LYST: variants seen among roughly 807,000 people sequenced by gnomAD.
LYST encodes lysosomal trafficking regulator.
In LYST, 192 loss-of-function variants were observed where a neutral mutation model predicts 413.6. That is an observed-to-expected ratio of 0.46 (90% CI 0.41 to 0.52). The LOEUF (loss-of-function observed/expected upper bound fraction) is 0.52. Ranked by LOEUF, LYST falls within the 20% of genes least tolerant of loss-of-function variation. LYST has a pLI of 0.00. For missense variants in LYST, 3,815 were observed against 4,499.9 expected, an observed-to-expected ratio of 0.85 and a Z score of 4.35; for synonymous variants, 1,525 against 1,567.3, an observed-to-expected ratio of 0.97 and a Z score of 0.64.
chr1:235,666,590 G>GCACACACACACACACA (rs1214218772), intron 50 of LYST, among the ~76,000 whole-genome samples: 2 of 74,534 alleles, frequency 2.7e-5, no homozygotes, highest in Non-Finnish European at 3.1e-5. Context: ...AGACACACAT[G>GCACACACACACACACA]CACACACACA....
chr1:235,738,129 T>A (rs866721745), intron 31 of LYST: 1 of 1,608,210 alleles, frequency 6.2e-7, no homozygotes, highest in Non-Finnish European at 8.5e-7. Flanking sequence ...AATGAAGGAC[T>A]TGGCAGGCGA....
At chr1:235,714,474 C>T (rs191510751) in intron 42 of LYST, among the ~76,000 whole-genome samples, 15 of 152,306 alleles carry the variant, frequency 9.8e-5, no homozygotes, top group African/African-American at 2.6e-4. Flanking sequence ...AATACAAATT[C>T]ATTCCTCCAA....
intron 48 of LYST, among the ~76,000 whole-genome samples, chr1:235,680,026 C>CAT (rs1659688501): frequency 6.6e-6 from 1 of 151,686 alleles, no homozygotes; most frequent in Non-Finnish European, 1.5e-5. Flanking sequence ...TATACACACA[C>CAT]ACACACACAA....
In LYST at chr1:235,805,934, GT is replaced by G; in HGVS notation, c.3201del (p.Leu1067PhefsTer7). 1 of 1,613,860 alleles carries G rather than the reference GT, an allele frequency of 6.2e-7. No individual in the cohort carries two copies. Among genetic ancestry groups the G allele is most frequent in the Non-Finnish European group, 8.5e-7 (1 of 1,179,838 alleles). The part of the protein sequence containing the change: ...KSADSLGKLE[L>X]QHISSINVEE... ...TCCACATTTATGGAAGAAATATGCTGTAACTCTAATTTACCTAAACTGTCAG... is the reference window on the plus strand; with the variant it reads ...TCCACATTTATGGAAGAAATATGCTGAACTCTAATTTACCTAAACTGTCAG... On this transcript the variant is annotated frameshift_variant, in exon 6 of 53. Coordinates refer to ENST00000389793, the MANE Select transcript of LYST (RefSeq NM_000081.4). LOFTEE classifies it high-confidence loss of function.
chr1:235,830,162 A>C, intron 3 of LYST, 64 bp downstream of exon 3: 2 of 1,270,564 alleles, frequency 1.6e-6, no homozygotes, highest in South Asian at 2.4e-5. Flanking sequence ...GTAATCCAAA[A>C]CCATGTAGCT....
Position 235,757,312 on chromosome 1 carries a change from G to A in LYST, c.7028C>T (p.Pro2343Leu), listed in dbSNP as rs776471024. ...AACACCTTGTTGTATAGCTGGTGATGGGTGGTTAACGAGGACCAAAAGTGT... is the reference window on the plus strand; with the variant it reads ...AACACCTTGTTGTATAGCTGGTGATAGGTGGTTAACGAGGACCAAAAGTGT... ...ADTLLVLVNH[P>L]SPAIQQGVIK... Residue 2343 changes from proline (P) to leucine (L), a missense_variant, in exon 24 of 53, where the codon CCA (proline) becomes CTA (leucine). By Grantham distance (98) the Pro-to-Leu change is moderately conservative. Transcript: ENST00000389793. 6.2e-7 allele frequency: 1 copy of A among 1,613,346 alleles called. No individual in the cohort carries two copies. Among genetic ancestry groups the A allele is most frequent in the Admixed American group, 1.7e-5 (1 of 59,980 alleles).
intron 1 of LYST, among the ~76,000 whole-genome samples, chr1:235,835,985 G>A (rs945829735): frequency 2.0e-5 from 3 of 152,096 alleles, no homozygotes; most frequent in Admixed American, 6.6e-5. Context: ...TTGCCCCAAC[G>A]ATATTCGTAG....
At chr1:235,858,694 C>T (rs543015204) in intron 1 of LYST, among the ~76,000 whole-genome samples, 9 of 152,322 alleles carry the variant, frequency 5.9e-5, no homozygotes, top group African/African-American at 2.2e-4. Flanking sequence ...CTCATTACCA[C>T]TCTCTATTCC....
chr1:235,784,930 C>T (rs985393113), intron 14 of LYST, among the ~76,000 whole-genome samples: 9 of 152,198 alleles, frequency 5.9e-5, no homozygotes, highest in African/African-American at 1.9e-4. Context: ...GCTTCAATTA[C>T]GTATTTTTAC....
intron 39 of LYST, among the ~76,000 whole-genome samples, chr1:235,723,468 G>A (rs899780536): frequency 6.6e-6 from 1 of 152,140 alleles, no homozygotes; most frequent in Non-Finnish European, 1.5e-5. Flanking sequence ...GGCTGGTAAG[G>A]TATAAGAACT....
chr1:235,852,920 G>C (rs1208602488), intron 1 of LYST: 2 of 169,876 alleles, frequency 1.2e-5, no homozygotes, highest in African/African-American at 4.8e-5. Context: ...TACAATTTTT[G>C]ACAGACTACT....
chr1:235,863,816 C>T (rs927861635), intron 1 of LYST, among the ~76,000 whole-genome samples: 4 of 152,200 alleles, frequency 2.6e-5, no homozygotes, highest in Admixed American at 2.0e-4. Flanking sequence ...TACTAATAAT[C>T]TCAGCTTTGA....
chr1:235,852,018 T>C (rs6695150), intron 1 of LYST, among the ~76,000 whole-genome samples: 9,360 of 152,248 alleles, frequency 0.061, 955 homozygotes, highest in African/African-American at 0.21. Flanking sequence ...AAAGAAATGA[T>C]AGCAGTTGTT....
At chr1:235,776,302 G>A (rs1269340575) in intron 17 of LYST, among the ~76,000 whole-genome samples, 1 of 152,102 alleles carries the variant, frequency 6.6e-6, no homozygotes, top group Non-Finnish European at 1.5e-5. Flanking sequence ...AACAACAAAC[G>A]CTGATATGCT....
chr1:235,810,647 G>T, intron 4 of LYST, 113 bp from the exon 5 acceptor site: 2 of 948,298 alleles, frequency 2.1e-6, no homozygotes, highest in Non-Finnish European at 1.6e-6. Context: ...TATCCTCAAT[G>T]TATTTTGCTG....
intron 3 of LYST, among the ~76,000 whole-genome samples, chr1:235,821,616 T>C (rs1191548373): frequency 1.3e-5 from 2 of 152,240 alleles, no homozygotes; most frequent in African/African-American, 4.8e-5. Flanking sequence ...TTTCTTGAAT[T>C]AGACCAGGAA....
intron 28 of LYST, among the ~76,000 whole-genome samples, chr1:235,749,818 A>C (rs1558186366): frequency 6.6e-6 from 1 of 152,184 alleles, no homozygotes; most frequent in Non-Finnish European, 1.5e-5. Flanking sequence ...GTAGGGCTCT[A>C]AGGCTCAAGG....
chr1:235,869,681 T>C (rs1680845069), upstream of LYST, among the ~76,000 whole-genome samples: 1 of 152,244 alleles, frequency 6.6e-6, no homozygotes, highest in Non-Finnish European at 1.5e-5. Context: ...AAATTATTTG[T>C]GACTAAATGG....
intron 46 of LYST, among the ~76,000 whole-genome samples, chr1:235,694,178 T>G (rs540424584): frequency 8.8e-4 from 132 of 150,600 alleles, no homozygotes; most frequent in South Asian, 3.4e-3. Context: ...CCCGGCTGAT[T>G]TTTTTTTTGT....
Sources: gnomAD v4.1 joint callset for allele counts (sites outside exome capture counted in the v4.1 genomes callset) on GRCh38, gnomAD v4.1.1 for gene constraint, MANE v1.5 for transcripts, NCBI Gene and HGNC (gene_info 2026-07-23, HGNC 2026-07-21) for gene names.